The following CDH13 variants were observed in gnomAD, a reference collection of about 807,000 sequenced individuals.
CDH13 encodes the protein cadherin-13.
In CDH13, 24 loss-of-function variants were observed where a neutral mutation model predicts 63.8. That is an observed-to-expected ratio of 0.38 (90% CI 0.27 to 0.53). The LOEUF (loss-of-function observed/expected upper bound fraction) is 0.53, where lower values mean the gene tolerates loss of function less well. Among genes scored for constraint, CDH13 ranks in the 20% least tolerant of loss-of-function variants. CDH13 has a pLI of 0.85. For synonymous variants in CDH13, 503 were observed against 355.3 expected (o/e 1.42, Z -4.67); for missense variants, 1,049 against 903.1 (o/e 1.16, Z -2.07).
At chr16:83,461,873 C>G (rs867201614) in intron 6 of CDH13, among the ~76,000 whole-genome samples, 1 of 152,168 alleles carries the variant, frequency 6.6e-6, no homozygotes, top group African/African-American at 2.4e-5. Flanking sequence ...AAGATCTCAC[C>G]AAAGCCAAAC....
At chr16:82,707,764 G>A (rs1026519977) in intron 1 of CDH13, among the ~76,000 whole-genome samples, 1 of 152,206 alleles carries the variant, frequency 6.6e-6, no homozygotes, top group Non-Finnish European at 1.5e-5. Flanking sequence ...GTGAAGACGT[G>A]TATCTCAGCA....
chr16:83,186,968 T>C (rs2038544852), intron 4 of CDH13, among the ~76,000 whole-genome samples: 1 of 148,000 alleles, frequency 6.8e-6, no homozygotes, highest in African/African-American at 2.6e-5. Context: ...ATTTATTTTT[T>C]ATTACTGTAA....
intron 6 of CDH13, among the ~76,000 whole-genome samples, chr16:83,400,404 G>A (rs893036957): frequency 1.3e-5 from 2 of 152,230 alleles, no homozygotes; most frequent in East Asian, 1.9e-4. Context: ...GACGGCTACC[G>A]GATGGCCCAA....
At chr16:83,382,065 C>A (rs1020877317) in intron 6 of CDH13, among the ~76,000 whole-genome samples, 2 of 152,184 alleles carry the variant, frequency 1.3e-5, no homozygotes, top group Non-Finnish European at 2.9e-5. Flanking sequence ...AATGGGCTTC[C>A]ACCCCAACTC....
chr16:82,790,378 T>G (rs1043384897), intron 1 of CDH13, among the ~76,000 whole-genome samples: 2 of 152,090 alleles, frequency 1.3e-5, no homozygotes. Flanking sequence ...GAGGTTGCAG[T>G]GAGCCAAGAT....
intron 2 of CDH13, among the ~76,000 whole-genome samples, chr16:82,926,565 C>T (rs1425729527): frequency 6.6e-6 from 1 of 152,184 alleles, no homozygotes; most frequent in Non-Finnish European, 1.5e-5. Flanking sequence ...GCATTTTAGG[C>T]TTGACTTTCT....
chr16:83,504,263 T>C (rs138193387), intron 7 of CDH13, among the ~76,000 whole-genome samples: 161 of 151,784 alleles, frequency 1.1e-3, no homozygotes, highest in African/African-American at 3.6e-3. Context: ...TAGAGAAGAG[T>C]GTTCACAACC....
intron 1 of CDH13, among the ~76,000 whole-genome samples, chr16:82,713,247 C>T (rs541173632): frequency 8.5e-5 from 13 of 152,246 alleles, no homozygotes; most frequent in African/African-American, 3.1e-4. Context: ...AAGCAGGGTT[C>T]CTGGGTATGA....
At position 82,769,098 on chromosome 16, in the gene CDH13, T is replaced by G. The variant is rs575691613; in HGVS notation, c.46-89264T>G. On this transcript the variant is annotated intron_variant, in intron 1 of 13. Transcript: ENST00000567109. ...CTTCTGTGAGGTCATCATGTTGTCT[T>G]CGATGAGTCTAACCATTTTATATCA... Among the ~76,000 whole-genome samples the G allele has an allele frequency of 3.9e-5, 6 of 152,330 alleles. No homozygotes were observed. In the South Asian group the frequency reaches 1.2e-3, roughly 32 times the overall value.
rs1294990288 is a variant in CDH13, at chr16:83,008,905, T to C, written c.158-23105T>C. 2.0e-5 allele frequency among the ~76,000 whole-genome samples: 3 copies of C among 152,150 alleles called. No individual in the cohort carries two copies. In the East Asian group the frequency reaches 5.8e-4, roughly 29 times the overall value. Reference sequence around the variant, plus strand: ...GGGGAGGTCTCAGGAAAGGTAGAATTATGGTGGAAGGGGAAGCAAACACGT... The same window carrying C: ...GGGGAGGTCTCAGGAAAGGTAGAATCATGGTGGAAGGGGAAGCAAACACGT... On this transcript the variant is annotated intron_variant, in intron 2 of 13. Coordinates refer to ENST00000567109, the MANE Select transcript of CDH13 (RefSeq NM_001257.5).
At chr16:83,474,124 G>T (rs1408987425) in intron 6 of CDH13, among the ~76,000 whole-genome samples, 1 of 152,148 alleles carries the variant, frequency 6.6e-6, no homozygotes, top group Non-Finnish European at 1.5e-5. Flanking sequence ...TTAAAATAGA[G>T]ATGATCTAAT....
chr16:82,828,552 G>C (rs1013137444), intron 1 of CDH13, among the ~76,000 whole-genome samples: 1 of 152,002 alleles, frequency 6.6e-6, no homozygotes, highest in South Asian at 2.1e-4. Flanking sequence ...GCTTGATCCC[G>C]GGAGGCAGAG....
At chr16:83,380,915 C>A (rs1282011606) in intron 6 of CDH13, among the ~76,000 whole-genome samples, 1 of 151,876 alleles carries the variant, frequency 6.6e-6, no homozygotes, top group African/African-American at 2.4e-5. Flanking sequence ...CAAAAATGCC[C>A]TCATCCTCAC....
intron 2 of CDH13, among the ~76,000 whole-genome samples, chr16:82,952,230 C>G (rs922463746): frequency 2.0e-5 from 3 of 152,200 alleles, no homozygotes; most frequent in Non-Finnish European, 2.9e-5. Flanking sequence ...GGCCTGAGTT[C>G]AAGTGCCACT....
chr16:82,840,009 C>A (rs992721088), intron 1 of CDH13, among the ~76,000 whole-genome samples: 1 of 152,162 alleles, frequency 6.6e-6, no homozygotes, highest in Non-Finnish European at 1.5e-5. Flanking sequence ...CTCAAACAGA[C>A]ATGAGAAGAA....
chr16:82,874,243 G>A (rs1017970715), intron 2 of CDH13, among the ~76,000 whole-genome samples: 4 of 152,148 alleles, frequency 2.6e-5, no homozygotes, highest in Admixed American at 1.3e-4. Context: ...TGTTTGGTAT[G>A]CTGAGTCTCT....
At chr16:82,657,796 A>G (rs1911468555) in intron 1 of CDH13, among the ~76,000 whole-genome samples, 1 of 152,220 alleles carries the variant, frequency 6.6e-6, no homozygotes, top group South Asian at 2.1e-4. Context: ...TAATCTTGGC[A>G]TAATTACTTA....
intron 3 of CDH13, among the ~76,000 whole-genome samples, chr16:83,121,922 C>G (rs2035595590): frequency 6.6e-6 from 1 of 151,532 alleles, no homozygotes; most frequent in African/African-American, 2.4e-5. Context: ...TATCTTGTTT[C>G]CTGTTTGAAC....
intron 9 of CDH13, among the ~76,000 whole-genome samples, chr16:83,671,283 C>A (rs1385563885): frequency 6.6e-6 from 1 of 152,200 alleles, no homozygotes; most frequent in Non-Finnish European, 1.5e-5. Flanking sequence ...CAGTCTCACT[C>A]TGTCACCTAG....
Sources: gnomAD v4.1 joint callset for allele counts (sites outside exome capture counted in the v4.1 genomes callset) on GRCh38, gnomAD v4.1.1 for gene constraint, MANE v1.5 for transcripts, NCBI Gene and HGNC (gene_info 2026-07-23, HGNC 2026-07-21) for gene names.